Variants in ACACA observed in about 807,000 individuals in gnomAD.
ACACA encodes the protein acetyl-CoA carboxylase 1.
Under a neutral mutation model 296.1 loss-of-function variants are expected in ACACA, and 103 were observed. The ratio of observed to expected loss-of-function variants is 0.35; its 90% CI spans 0.30 to 0.41. The LOEUF is 0.41. Among genes scored for constraint, ACACA ranks in the 10% least tolerant of loss-of-function variants. The probability of loss-of-function intolerance (pLI) is 1.00; values close to 1 mark genes in which losing one functional copy is unlikely to be tolerated. For synonymous variants in ACACA, 953 were observed against 1,038.6 expected (o/e 0.92, Z 1.58); for missense variants, 1,554 against 2,989.7 (o/e 0.52, Z 11.20).
Position 37,085,817 on chromosome 17 carries a change from CTG to C in ACACA, c.*1497_*1498del, listed in dbSNP as rs983751859. 1.3e-5 allele frequency: 5 copies of C among 398,982 alleles called. No homozygotes were observed. The highest frequency in any genetic ancestry group is 1.3e-5 in the Non-Finnish European group (3 of 226,100). 24.7% of individuals were successfully genotyped at this position (398,982 alleles called of 1,614,324 possible). The stretch of plus-strand genomic sequence containing the variant: ...CAAACTACAGGGTTAAGGCTCAGAA[CTG>C]TGGCTTGTCCAAGAACGTTCATACC... On this transcript the variant is annotated 3_prime_UTR_variant, in exon 56 of 56. Coordinates refer to ENST00000616317, the MANE Select transcript of ACACA (RefSeq NM_198834.3).
At chr17:37,286,296 G>A (rs2082769006) in intron 3 of ACACA, among the ~76,000 whole-genome samples, 1 of 152,074 alleles carries the variant, frequency 6.6e-6, no homozygotes, top group African/African-American at 2.4e-5. Context: ...CACAGGCCTG[G>A]GTTTACATTC....
chr17:37,293,057 A>G (rs1415572245), intron 3 of ACACA, among the ~76,000 whole-genome samples: 1 of 152,176 alleles, frequency 6.6e-6, no homozygotes, highest in Non-Finnish European at 1.5e-5. Flanking sequence ...TTTTTACAAT[A>G]CTTATTTTTA....
intron 1 of ACACA, among the ~76,000 whole-genome samples, chr17:37,371,608 A>G (rs1398582312): frequency 2.6e-5 from 4 of 152,120 alleles, no homozygotes; most frequent in Non-Finnish European, 5.9e-5. Flanking sequence ...CACAATTAAA[A>G]AACGGCCGCG....
At chr17:37,167,229 A>G (rs1314139869) in intron 41 of ACACA, among the ~76,000 whole-genome samples, 1 of 91,724 alleles carries the variant, frequency 1.1e-5, no homozygotes, top group Non-Finnish European at 2.2e-5. Flanking sequence ...CAAAGTGCTT[A>G]TTTTTTAAAA....
chr17:37,119,718 G>A (rs1006906537), intron 50 of ACACA, among the ~76,000 whole-genome samples: 1 of 149,732 alleles, frequency 6.7e-6, no homozygotes, highest in East Asian at 2.0e-4. Flanking sequence ...AAAAATTGTC[G>A]GCAAAAATTT....
intron 3 of ACACA, among the ~76,000 whole-genome samples, chr17:37,318,707 G>C (rs930811003): frequency 1.3e-5 from 2 of 152,000 alleles, no homozygotes; most frequent in African/African-American, 4.8e-5. Context: ...CTTATAAAAG[G>C]ACTCCTTGAT....
chr17:37,181,074 T>C (rs2077299984), intron 40 of ACACA, 127 bp downstream of exon 40: 1 of 1,007,064 alleles, frequency 9.9e-7, no homozygotes, highest in African/African-American at 1.6e-5. Flanking sequence ...GAAATAGAAA[T>C]GAAAACAGTG....
chr17:37,175,763 T>C (rs2144763971), intron 41 of ACACA, among the ~76,000 whole-genome samples: 1 of 152,364 alleles, frequency 6.6e-6, no homozygotes, highest in Non-Finnish European at 1.5e-5. Context: ...AAAGTCATAC[T>C]AAATGTAATG....
chr17:37,205,073 A>C (rs1014253791), intron 33 of ACACA, among the ~76,000 whole-genome samples: 1 of 152,168 alleles, frequency 6.6e-6, no homozygotes, highest in African/African-American at 2.4e-5. Flanking sequence ...AGAAAAAGAG[A>C]AAGGGTAAAA....
At chr17:37,319,932 C>T (rs761015425) in intron 3 of ACACA, among the ~76,000 whole-genome samples, 21 of 151,910 alleles carry the variant, frequency 1.4e-4, no homozygotes, top group Non-Finnish European at 3.1e-4. Flanking sequence ...GCCTTGGCAA[C>T]AGAGTGAGAC....
chr17:37,106,779 T>C (rs180715398), intron 52 of ACACA, among the ~76,000 whole-genome samples: 60 of 151,986 alleles, frequency 3.9e-4, no homozygotes, highest in Admixed American at 3.9e-3. Context: ...CCAAGACACA[T>C]TCTGATGACA....
At chr17:37,317,265 G>A (rs1004345414) in intron 3 of ACACA, among the ~76,000 whole-genome samples, 2 of 152,050 alleles carry the variant, frequency 1.3e-5, no homozygotes, top group Non-Finnish European at 2.9e-5. Context: ...ACTATGGAAT[G>A]ATTGTATTCC....
Position 37,243,508 on chromosome 17 carries a change from GC to G in ACACA, c.2793del (p.Pro932LeufsTer3). 6.2e-7 allele frequency: 1 copy of G among 1,614,132 alleles called. No homozygotes were observed. Among genetic ancestry groups the G allele is most frequent in the Non-Finnish European group, 8.5e-7 (1 of 1,180,024 alleles). ...ATAATATCTTGCAATTCTAGGAGAG[GC>G]AGGGAGGGATCTCTGAGGGTTTTCA... ...RLMKTLRDPS[L>X]PLLELQDIMT... is the part of the protein sequence containing the mutation. On this transcript the variant is annotated frameshift_variant, in exon 22 of 56. Coordinates refer to ENST00000616317, the MANE Select transcript of ACACA (RefSeq NM_198834.3). LOFTEE classifies it high-confidence loss of function.
rs536805089 is a variant in ACACA, at chr17:37,231,184, G to A, written c.3246+3791C>T. Among the ~76,000 whole-genome samples the A allele has an allele frequency of 5.4e-5, 8 of 149,208 alleles. No individual in the cohort carries two copies. The South Asian group carries it at 6.4e-4, about 12-fold the overall frequency. ...GTTTGAGCACAGAAGTTTGACAGCA[G>A]CCCAGGCAACACAGTGAGACCACAT... On this transcript the variant is annotated intron_variant, in intron 25 of 55. Coordinates refer to ENST00000616317, the MANE Select transcript of ACACA (RefSeq NM_198834.3).
chr17:37,275,847 CA>C, intron 8 of ACACA, 103 bp downstream of exon 8: 1 of 945,204 alleles, frequency 1.1e-6, no homozygotes, highest in South Asian at 1.3e-5. Flanking sequence ...ACCAGTATTC[CA>C]TTTCTTGTCA....
intron 1 of ACACA, chr17:37,345,242 C>CA (rs202119019): frequency 6.6e-6 from 1 of 152,176 alleles, no homozygotes; most frequent in African/African-American, 2.4e-5. Context: ...TTAGCAGAGA[C>CA]GGGGTCTCAC....
intron 3 of ACACA, among the ~76,000 whole-genome samples, chr17:37,305,532 T>G (rs141722861): frequency 2.0e-5 from 3 of 152,206 alleles, no homozygotes; most frequent in Admixed American, 2.0e-4. Context: ...GCATTCAAAG[T>G]TCAGGTTTTT....
At chr17:37,168,446 C>T (rs1261566692) in intron 41 of ACACA, among the ~76,000 whole-genome samples, 1 of 151,750 alleles carries the variant, frequency 6.6e-6, no homozygotes, top group Non-Finnish European at 1.5e-5. Flanking sequence ...CTACCAAATA[C>T]TCTTCACTGG....
intron 29 of ACACA, among the ~76,000 whole-genome samples, chr17:37,220,316 A>T (rs140674757): frequency 3.9e-5 from 6 of 152,348 alleles, no homozygotes; most frequent in African/African-American, 1.4e-4. Flanking sequence ...AGTGATGAGG[A>T]GGGAAGGAAA....
Sources: allele counts gnomAD v4.1 joint callset (sites outside exome capture counted in the v4.1 genomes callset), GRCh38; gene constraint gnomAD v4.1.1; transcripts MANE v1.5; gene names NCBI Gene and HGNC (gene_info 2026-07-23, HGNC 2026-07-21).